PDE4D: variants seen among roughly 807,000 people sequenced by gnomAD.
PDE4D encodes 3',5'-cyclic-AMP phosphodiesterase 4D.
In PDE4D, 24 loss-of-function variants were observed where a neutral mutation model predicts 87.4. The ratio of observed to expected loss-of-function variants is 0.27; its 90% CI spans 0.20 to 0.39. The LOEUF is 0.39. PDE4D is among the 10% of genes least tolerant of loss of function. PDE4D has a pLI of 1.00. For synonymous variants in PDE4D, 384 were observed against 383.2 expected (o/e 1.00, Z -0.02); for missense variants, 714 against 1,041.0 (o/e 0.69, Z 4.32).
At chr5:59,975,927 AT>A (rs1761275746) in intron 3 of PDE4D, among the ~76,000 whole-genome samples, 1 of 152,088 alleles carries the variant, frequency 6.6e-6, no homozygotes, top group Non-Finnish European at 1.5e-5. Flanking sequence ...GAGATTTCAT[AT>A]TTCTCCATTT....
At chr5:59,453,750 A>G (rs1325516849) in intron 1 of PDE4D, among the ~76,000 whole-genome samples, 1 of 152,252 alleles carries the variant, frequency 6.6e-6, no homozygotes, top group Admixed American at 6.5e-5. Context: ...TCTCCACAAC[A>G]CAAAAATGCA....
intron 1 of PDE4D, among the ~76,000 whole-genome samples, chr5:59,324,850 T>C (rs1280978243): frequency 2.0e-5 from 3 of 152,138 alleles, no homozygotes; most frequent in Admixed American, 6.6e-5. Context: ...TTCCTCACTG[T>C]ACTGATTATT....
intron 1 of PDE4D, among the ~76,000 whole-genome samples, chr5:60,337,388 T>TATATATATATATATATATATAC (rs66871903): frequency 2.2e-5 from 2 of 89,478 alleles, no homozygotes; most frequent in Admixed American, 1.3e-4. Context: ...TATATATATA[T>TATATATATATATATATATATAC]ACACACACAC....
chr5:60,127,601 G>A (rs1779226110), intron 2 of PDE4D: 2 of 521,226 alleles, frequency 3.8e-6, no homozygotes, highest in Middle Eastern at 2.8e-4. Context: ...GAGGGAGGAA[G>A]ATGAAGGTGA....
intron 1 of PDE4D, among the ~76,000 whole-genome samples, chr5:60,516,669 A>C (rs1200412643): frequency 6.6e-6 from 1 of 152,248 alleles, no homozygotes; most frequent in African/African-American, 2.4e-5. Flanking sequence ...AATGATACCA[A>C]CAATAATGAG....
intron 1 of PDE4D, among the ~76,000 whole-genome samples, chr5:59,270,756 T>A (rs1448469861): frequency 6.6e-6 from 1 of 152,134 alleles, no homozygotes; most frequent in Non-Finnish European, 1.5e-5. Flanking sequence ...TGAACACTTT[T>A]ATGGCCATTA....
chr5:60,368,431 G>A (rs2149976443), intron 1 of PDE4D, among the ~76,000 whole-genome samples: 1 of 152,280 alleles, frequency 6.6e-6, no homozygotes, highest in South Asian at 2.1e-4. Flanking sequence ...GGATGTGGGG[G>A]TTAGGGGGAC....
chr5:60,027,249 C>G (rs909167649), intron 2 of PDE4D, among the ~76,000 whole-genome samples: 1 of 152,116 alleles, frequency 6.6e-6, no homozygotes, highest in Admixed American at 6.6e-5. Context: ...CTTGGAGTCT[C>G]TAGTGTCTAT....
rs376591743 is a variant in PDE4D at position 60,287,369 on chromosome 5, T to G, written c.-89-101682A>C. 1.8e-4 allele frequency among the ~76,000 whole-genome samples: 27 copies of G among 152,292 alleles called. No individual in the cohort carries two copies. In the South Asian group the frequency reaches 5.4e-3, roughly 30 times the overall value. The stretch of plus-strand genomic sequence containing the variant: ...AATAAACTCCACCCTCGTATTGCTG[T>G]GTAGGAGAGGCGCCCCCTTCAGGCC... On this transcript the variant is annotated intron_variant, in intron 1 of 16. Coordinates refer to the PDE4D transcript ENST00000502484.
chr5:60,171,171 T>G (rs946823290), intron 2 of PDE4D, among the ~76,000 whole-genome samples: 1 of 152,080 alleles, frequency 6.6e-6, no homozygotes, highest in South Asian at 2.1e-4. Flanking sequence ...TAAGCAAAAA[T>G]AGTATACACA....
chr5:59,882,963 G>C (rs984217326), intron 1 of PDE4D, among the ~76,000 whole-genome samples: 3 of 152,144 alleles, frequency 2.0e-5, no homozygotes, highest in Non-Finnish European at 2.9e-5. Context: ...TTTTTTGGTA[G>C]AGACAGGGTT....
chr5:59,027,078 T>G (rs1756378625), intron 6 of PDE4D, among the ~76,000 whole-genome samples: 1 of 152,246 alleles, frequency 6.6e-6, no homozygotes, highest in Admixed American at 6.5e-5. Flanking sequence ...TCTTCTTGGC[T>G]GTAGGTATCT....
intron 1 of PDE4D, among the ~76,000 whole-genome samples, chr5:60,299,517 A>G (rs936752092): frequency 6.6e-6 from 1 of 152,104 alleles, no homozygotes; most frequent in Non-Finnish European, 1.5e-5. Flanking sequence ...AGCCCAGTAT[A>G]CATTACCTAT....
chr5:59,504,939 T>TGC (rs1554198186), intron 1 of PDE4D, among the ~76,000 whole-genome samples: 34 of 134,784 alleles, frequency 2.5e-4, no homozygotes, highest in East Asian at 1.6e-3. Context: ...TGTGTGTGTG[T>TGC]GCGTGCGCGT....
intron 1 of PDE4D, among the ~76,000 whole-genome samples, chr5:60,387,711 G>A (rs563024216): frequency 6.6e-6 from 1 of 152,126 alleles, no homozygotes; most frequent in African/African-American, 2.4e-5. Flanking sequence ...CTACTCTCAC[G>A]CCACCACAAC....
At chr5:59,677,420 T>C (rs1411860076) in intron 1 of PDE4D, among the ~76,000 whole-genome samples, 1 of 152,188 alleles carries the variant, frequency 6.6e-6, no homozygotes, top group Non-Finnish European at 1.5e-5. Flanking sequence ...TATTAACTCT[T>C]GTCACACTAA....
At chr5:60,055,835 A>G (rs1250216635) in intron 2 of PDE4D, among the ~76,000 whole-genome samples, 1 of 150,958 alleles carries the variant, frequency 6.6e-6, no homozygotes, top group Non-Finnish European at 1.5e-5. Context: ...GGTTGGAGGA[A>G]CCATGGAAAG....
At chr5:59,625,906 C>T (rs1053050919) in intron 1 of PDE4D, among the ~76,000 whole-genome samples, 9 of 152,124 alleles carry the variant, frequency 5.9e-5, no homozygotes, top group Non-Finnish European at 1.3e-4. Flanking sequence ...CGGTGAAACC[C>T]CGTCTCTACT....
At chr5:60,256,206 T>C (rs1300416022) in intron 1 of PDE4D, among the ~76,000 whole-genome samples, 2 of 151,884 alleles carry the variant, frequency 1.3e-5, no homozygotes, top group Non-Finnish European at 2.9e-5. Flanking sequence ...CAGAAGTTGG[T>C]CTACATGCAG....
Sources: allele counts gnomAD v4.1 joint callset (sites outside exome capture counted in the v4.1 genomes callset), GRCh38; gene constraint gnomAD v4.1.1; transcripts MANE v1.5; gene names NCBI Gene and HGNC (gene_info 2026-07-23, HGNC 2026-07-21).